The following FRMD3 variants were observed in gnomAD, a reference collection of about 807,000 sequenced individuals.
FRMD3 encodes the protein FERM domain-containing protein 3.
In FRMD3, 33 loss-of-function variants were observed where a neutral mutation model predicts 70.2. The observed-to-expected ratio is 0.47, with a 90% confidence interval of 0.36 to 0.63. The LOEUF is 0.63. Ranked by LOEUF, FRMD3 falls within the 20% of genes least tolerant of loss-of-function variation. The pLI, the probability that FRMD3 is intolerant of heterozygous loss-of-function variation, is 0.00. For missense variants in FRMD3, 632 were observed against 711.4 expected, an observed-to-expected ratio of 0.89 and a Z score of 1.27; for synonymous variants, 279 against 255.9, an observed-to-expected ratio of 1.09 and a Z score of -0.86.
At chr9:83,411,267 G>A (rs1826270875) in intron 1 of FRMD3, among the ~76,000 whole-genome samples, 1 of 152,164 alleles carries the variant, frequency 6.6e-6, no homozygotes, top group African/African-American at 2.4e-5. Flanking sequence ...CACCTTCTTG[G>A]TGCTAGCCTA....
At chr9:83,337,495 A>T (rs1823619877) in intron 5 of FRMD3, among the ~76,000 whole-genome samples, 1 of 152,178 alleles carries the variant, frequency 6.6e-6, no homozygotes, top group Admixed American at 6.5e-5. Flanking sequence ...TGGCATCAAG[A>T]ATACTTTCTA....
At chr9:83,283,294 G>T (rs1412126836) in intron 13 of FRMD3, among the ~76,000 whole-genome samples, 1 of 152,028 alleles carries the variant, frequency 6.6e-6, no homozygotes, top group Non-Finnish European at 1.5e-5. Context: ...ACTTTGGGAG[G>T]CCAAGGCGGG....
chr9:83,521,161 C>T (rs1829563992), intron 1 of FRMD3, among the ~76,000 whole-genome samples: 1 of 151,592 alleles, frequency 6.6e-6, no homozygotes, highest in Non-Finnish European at 1.5e-5. Flanking sequence ...GAAAAGGTCT[C>T]CTAATTTCCT....
chr9:83,465,570 T>C (rs1432690720), intron 1 of FRMD3, among the ~76,000 whole-genome samples: 1 of 152,236 alleles, frequency 6.6e-6, no homozygotes. Context: ...TTTTCATTTT[T>C]CCAGATTTCT....
intron 1 of FRMD3, among the ~76,000 whole-genome samples, chr9:83,433,012 T>C (rs1416208110): frequency 6.6e-6 from 1 of 152,246 alleles, no homozygotes; most frequent in Non-Finnish European, 1.5e-5. Context: ...CCTGAGTTAC[T>C]TCACTTAGAA....
At position 83,311,950 on chromosome 9, in the gene FRMD3, A is replaced by C; in HGVS notation, c.710T>G (p.Leu237Ter). Residue 237 changes from leucine (L) to a stop codon, truncating the protein, a stop_gained, in exon 8 of 14, where the codon TTA becomes TGA. Transcript: ENST00000304195. LOFTEE classifies it high-confidence loss of function. ...CKDSTGTTTF[L>*]GFTAAGFVVF... is the part of the protein sequence containing the mutation. ...CACAAAGCCTGCAGCTGTGAATCCT[A>C]AAAATGTTGTTGTGCCTGTTGAATC... 3 of 1,610,966 alleles carry C rather than the reference A, an allele frequency of 1.9e-6. No individual in the cohort carries two copies. The highest frequency in any genetic ancestry group is 2.5e-6 in the Non-Finnish European group (3 of 1,178,836).
intron 1 of FRMD3, among the ~76,000 whole-genome samples, chr9:83,510,850 T>C (rs573448367): frequency 7.9e-5 from 12 of 152,056 alleles, no homozygotes; most frequent in African/African-American, 2.2e-4. Context: ...CCCCCTAGGA[T>C]TGGGGGAAAT....
chr9:83,367,282 T>C (rs1031906956), intron 3 of FRMD3, among the ~76,000 whole-genome samples: 1 of 152,176 alleles, frequency 6.6e-6, no homozygotes, highest in African/African-American at 2.4e-5. Context: ...CCCTCAGCAC[T>C]GCCCAATCAT....
intron 13 of FRMD3, chr9:83,279,546 A>T (rs1056712719): frequency 2.0e-5 from 3 of 152,110 alleles, no homozygotes; most frequent in African/African-American, 4.8e-5. Context: ...CAAAAAATCA[A>T]CCCAAATCCC....
At chr9:83,331,354 A>T (rs1045768914) in intron 6 of FRMD3, among the ~76,000 whole-genome samples, 1 of 152,220 alleles carries the variant, frequency 6.6e-6, no homozygotes, top group Non-Finnish European at 1.5e-5. Context: ...ATCTGAAAAG[A>T]CTACACATTG....
intron 1 of FRMD3, among the ~76,000 whole-genome samples, chr9:83,488,731 C>CTCCT (rs1173887850): frequency 2.6e-5 from 4 of 152,276 alleles, no homozygotes; most frequent in Admixed American, 2.6e-4. Context: ...ATTGACAAAT[C>CTCCT]TCCTTCCAAG....
At chr9:83,305,836 A>T in intron 10 of FRMD3, among the ~76,000 whole-genome samples, 1 of 152,208 alleles carries the variant, frequency 6.6e-6, no homozygotes, top group East Asian at 1.9e-4. Context: ...CTGGTCAACC[A>T]TATACAGTTT....
chr9:83,324,534 A>G (rs1028464032), intron 6 of FRMD3, among the ~76,000 whole-genome samples: 6 of 152,188 alleles, frequency 3.9e-5, no homozygotes, highest in African/African-American at 1.4e-4. Context: ...AAGACACACA[A>G]TTTCTGCCTT....
chr9:83,396,329 C>A (rs10746705), intron 1 of FRMD3, among the ~76,000 whole-genome samples: 40,745 of 152,202 alleles, frequency 0.27, 6,260 homozygotes, highest in Non-Finnish European at 0.34. Flanking sequence ...TTATAAAATA[C>A]AAAGCACATT....
chr9:83,274,716 C>T (rs1833739466), intron 13 of FRMD3, among the ~76,000 whole-genome samples: 1 of 152,294 alleles, frequency 6.6e-6, no homozygotes, highest in African/African-American at 2.4e-5. Flanking sequence ...ATTGGCCCCA[C>T]TGTATGGGAC....
chr9:83,517,681 A>T (rs917491574), intron 1 of FRMD3, among the ~76,000 whole-genome samples: 1 of 152,060 alleles, frequency 6.6e-6, no homozygotes, highest in Non-Finnish European at 1.5e-5. Context: ...TGGCAGAGAC[A>T]CAACAAAGAA....
chr9:83,302,077 T>C (rs982325403), intron 10 of FRMD3, among the ~76,000 whole-genome samples: 1 of 152,110 alleles, frequency 6.6e-6, no homozygotes, highest in African/African-American at 2.4e-5. Context: ...ATGACACCCA[T>C]GCACTGGGAA....
intron 1 of FRMD3, among the ~76,000 whole-genome samples, chr9:83,494,833 ATGTGTG>A (rs377201441): frequency 1.1e-4 from 17 of 149,320 alleles, no homozygotes; most frequent in Middle Eastern, 3.2e-3. Flanking sequence ...CTGTGCATTT[ATGTGTG>A]TGTGTGTGTG....
At chr9:83,376,077 T>A (rs565439469) in intron 2 of FRMD3, among the ~76,000 whole-genome samples, 20 of 151,348 alleles carry the variant, frequency 1.3e-4, no homozygotes, top group African/African-American at 4.9e-4. Flanking sequence ...GGAGAATCGC[T>A]TGAACCCAGG....
Sources: gnomAD v4.1 joint callset for allele counts (sites outside exome capture counted in the v4.1 genomes callset) on GRCh38, gnomAD v4.1.1 for gene constraint, MANE v1.5 for transcripts, NCBI Gene and HGNC (gene_info 2026-07-23, HGNC 2026-07-21) for gene names.